The following LTBP2 variants were observed in gnomAD, a reference collection of about 807,000 sequenced individuals.
LTBP2 encodes the protein latent-transforming growth factor beta-binding protein 2.
In LTBP2, 103 loss-of-function variants were observed where a neutral mutation model predicts 210.6. That is an observed-to-expected ratio of 0.49 (90% confidence interval 0.42 to 0.58). The LOEUF is 0.58. Among genes scored for constraint, LTBP2 ranks in the 20% least tolerant of loss-of-function variants. LTBP2 has a pLI of 0.00. For missense variants in LTBP2, 2,313 were observed against 2,494.5 expected (o/e 0.93, Z 1.55); for synonymous variants, 1,007 against 1,015.0 (o/e 0.99, Z 0.15).
chr14:74,522,146 G>C (rs759605256), intron 16 of LTBP2, 107 bp from the exon 17 acceptor site: 2 of 1,340,654 alleles, frequency 1.5e-6, no homozygotes, highest in African/African-American at 1.4e-5. Flanking sequence ...GGATGGTGCT[G>C]TGTGGCAAGG....
intron 1 of LTBP2, 23 bp downstream of exon 1, chr14:74,611,427 CA>C: frequency 6.8e-7 from 1 of 1,471,324 alleles, no homozygotes; most frequent in Non-Finnish European, 8.9e-7. Flanking sequence ...CTGTACCCTC[CA>C]AACTTCCCTC....
At chr14:74,589,600 C>T (rs183725603) in intron 2 of LTBP2, among the ~76,000 whole-genome samples, 8 of 152,290 alleles carry the variant, frequency 5.3e-5, no homozygotes, top group Admixed American at 4.6e-4. Context: ...ACTGCCACCA[C>T]GGCAGGATTT....
chr14:74,571,052 G>T (rs1036622455), intron 3 of LTBP2, among the ~76,000 whole-genome samples: 1 of 151,280 alleles, frequency 6.6e-6, no homozygotes, highest in East Asian at 1.9e-4. Flanking sequence ...AAAAAAAAGA[G>T]TGGGCACGGT....
At chr14:74,601,443 C>T (rs149238220) in intron 2 of LTBP2, among the ~76,000 whole-genome samples, 46 of 152,274 alleles carry the variant, frequency 3.0e-4, no homozygotes, top group African/African-American at 9.9e-4. Context: ...TTCTCCCCAC[C>T]GGTGCCCCTG....
intron 1 of LTBP2, among the ~76,000 whole-genome samples, chr14:74,609,230 C>T (rs1276690229): frequency 6.6e-6 from 1 of 152,128 alleles, no homozygotes; most frequent in Non-Finnish European, 1.5e-5. Flanking sequence ...ACTGGAGTGT[C>T]AGGGAACCCA....
chr14:74,604,624 C>T (rs1375634858), intron 1 of LTBP2, among the ~76,000 whole-genome samples: 1 of 151,050 alleles, frequency 6.6e-6, no homozygotes, highest in African/African-American at 2.4e-5. Flanking sequence ...CGGCTCATGG[C>T]AACCTCAGTC....
intron 18 of LTBP2, 52 bp downstream of exon 18, chr14:74,516,770 G>T: frequency 6.5e-7 from 1 of 1,541,448 alleles, no homozygotes. Flanking sequence ...GCGTAGGGAG[G>T]GACAGGTGGG....
intron 17 of LTBP2, among the ~76,000 whole-genome samples, chr14:74,518,397 C>G (rs914904052): frequency 6.6e-6 from 1 of 152,176 alleles, no homozygotes; most frequent in Non-Finnish European, 1.5e-5. Context: ...TCCTGCCGCC[C>G]GCACCTCTCC....
At chr14:74,537,160 G>GA (rs111689700) in intron 8 of LTBP2, among the ~76,000 whole-genome samples, 3,008 of 123,274 alleles carry the variant, frequency 0.024, 74 homozygotes, top group East Asian at 0.16. Flanking sequence ...ACTTTACAAA[G>GA]AAAAAAAAAA....
At chr14:74,600,502 C>T (rs903642524) in intron 2 of LTBP2, among the ~76,000 whole-genome samples, 7 of 152,148 alleles carry the variant, frequency 4.6e-5, no homozygotes, top group African/African-American at 1.7e-4. Context: ...ACTCACTCAA[C>T]CTTGAGTTTC....
chr14:74,527,271 C>A (rs1293007907), intron 13 of LTBP2, 76 bp downstream of exon 13: 1 of 1,542,724 alleles, frequency 6.5e-7, no homozygotes, highest in Non-Finnish European at 8.8e-7. Flanking sequence ...TGAGACACTG[C>A]CCTGGGGCCT....
chr14:74,500,376 G>A lies in LTBP2; in HGVS notation c.*508C>T, dbSNP rs1218531535. On this transcript the variant is annotated 3_prime_UTR_variant, in exon 36 of 36. Coordinates refer to ENST00000261978, the MANE Select transcript of LTBP2 (RefSeq NM_000428.3). ...CCCAGAACAGATTGGCTGAGTGGTGGTGATGGTTCTTAGGAGGGGGCTCTG... is the reference window on the plus strand; with the variant it reads ...CCCAGAACAGATTGGCTGAGTGGTGATGATGGTTCTTAGGAGGGGGCTCTG... The A allele has an allele frequency of 1.2e-5, 4 of 326,746 alleles. No homozygotes were observed. Among genetic ancestry groups the A allele is most frequent in the South Asian group, 5.1e-5 (1 of 19,662 alleles). 20.2% of individuals were successfully genotyped at this position (326,746 alleles called of 1,614,324 possible). A position where few individuals can be genotyped will look rare whatever the true frequency, so the allele number is the denominator to read the frequency against.
At chr14:74,524,025 G>T (rs185360271) in intron 15 of LTBP2, among the ~76,000 whole-genome samples, 1 of 152,222 alleles carries the variant, frequency 6.6e-6, no homozygotes, top group East Asian at 1.9e-4. Context: ...GAGGGGTGAG[G>T]TTACAGAATG....
intron 1 of LTBP2, among the ~76,000 whole-genome samples, chr14:74,609,837 C>T (rs2088579694): frequency 6.6e-6 from 1 of 152,252 alleles, no homozygotes; most frequent in Admixed American, 6.5e-5. Flanking sequence ...AGGAACAATG[C>T]CTTGGACTCT....
chr14:74,535,011 T>G (rs897895829), intron 9 of LTBP2, among the ~76,000 whole-genome samples: 3 of 152,078 alleles, frequency 2.0e-5, no homozygotes, highest in Non-Finnish European at 4.4e-5. Context: ...ACAGCCCCGA[T>G]GTACCCTCCA....
At chr14:74,580,744 G>T (rs2088125226) in intron 3 of LTBP2, among the ~76,000 whole-genome samples, 1 of 152,206 alleles carries the variant, frequency 6.6e-6, no homozygotes, top group Non-Finnish European at 1.5e-5. Context: ...AGGATCGCTT[G>T]AACCCAGGAG....
At chr14:74,590,900 T>A (rs1228314693) in intron 2 of LTBP2, among the ~76,000 whole-genome samples, 1 of 152,168 alleles carries the variant, frequency 6.6e-6, no homozygotes, top group African/African-American at 2.4e-5. Flanking sequence ...AAATGTACAC[T>A]ACTCCGGTGA....
intron 35 of LTBP2, among the ~76,000 whole-genome samples, 171 bp from the exon 36 acceptor site, chr14:74,501,200 G>A (rs1331444635): frequency 6.6e-6 from 1 of 152,202 alleles, no homozygotes; most frequent in Non-Finnish European, 1.5e-5. Flanking sequence ...AAAGCAGGGG[G>A]CAGCAAGCTC....
chr14:74,506,607 T>C, intron 27 of LTBP2, 91 bp downstream of exon 27: 1 of 1,582,750 alleles, frequency 6.3e-7, no homozygotes, highest in Non-Finnish European at 8.6e-7. Flanking sequence ...GGACCCGTGA[T>C]GGAGCCACGT....
Sources: gnomAD v4.1 joint callset for allele counts (sites outside exome capture counted in the v4.1 genomes callset) on GRCh38, gnomAD v4.1.1 for gene constraint, MANE v1.5 for transcripts, NCBI Gene and HGNC (gene_info 2026-07-23, HGNC 2026-07-21) for gene names.